Variants in DPP6 observed in about 807,000 individuals in gnomAD.
DPP6 encodes the protein A-type potassium channel modulatory protein DPP6.
A neutral mutation model predicts 122.6 loss-of-function variants in DPP6; 69 were observed. That is an observed-to-expected ratio of 0.56 (90% CI 0.46 to 0.69). DPP6 has a LOEUF of 0.69. DPP6 is among the 30% of genes least tolerant of loss of function. DPP6 has a pLI of 0.00. For missense variants in DPP6, 928 were observed against 1,116.9 expected (o/e 0.83, Z 2.41); for synonymous variants, 418 against 433.1 (o/e 0.97, Z 0.43).
In DPP6 at chr7:154,465,651, A is replaced by T. The variant is rs145040195; in HGVS notation, c.359-9288A>T. Among the ~76,000 whole-genome samples, 378 of 152,364 alleles carry T rather than the reference A, an allele frequency of 2.5e-3. 2 individuals are homozygous for T. Among genetic ancestry groups the T allele is most frequent in the African/African-American group, 7.4e-3 (307 of 41,576 alleles). On this transcript the variant is annotated intron_variant, in intron 2 of 25. Coordinates refer to ENST00000377770, the MANE Select transcript of DPP6 (RefSeq NM_130797.4). Reference sequence around the variant, plus strand: ...TTAAAGAAATGCAAATCAAAACCACAATGAGATACTATCTCACTGCAGTTA... The same window carrying T: ...TTAAAGAAATGCAAATCAAAACCACTATGAGATACTATCTCACTGCAGTTA...
chr7:153,947,695 C>G (rs1322625656), intron 1 of DPP6, among the ~76,000 whole-genome samples: 2 of 152,064 alleles, frequency 1.3e-5, no homozygotes, highest in Non-Finnish European at 2.9e-5. Context: ...CGTGACAGGA[C>G]AAAGGGAGTG....
In DPP6 at chr7:154,888,313, C is replaced by A. The variant is rs77183934; in HGVS notation, c.2304+579C>A. Among the ~76,000 whole-genome samples, 4 of 152,088 alleles carry A rather than the reference C, an allele frequency of 2.6e-5. No individual in the cohort carries two copies. In the East Asian group the frequency reaches 7.8e-4, roughly 30 times the overall value. Reference sequence around the variant, plus strand: ...CGTGTTGGTCAGGCTGGTCTCCAACCCCTGACCTCAGGTGATCCACCTGCC... The same window carrying A: ...CGTGTTGGTCAGGCTGGTCTCCAACACCTGACCTCAGGTGATCCACCTGCC... On this transcript the variant is annotated intron_variant, in intron 23 of 25. Coordinates refer to ENST00000377770, the MANE Select transcript of DPP6 (RefSeq NM_130797.4).
chr7:154,215,875 A>C (rs745855987), intron 1 of DPP6, among the ~76,000 whole-genome samples: 3 of 152,162 alleles, frequency 2.0e-5, no homozygotes, highest in Non-Finnish European at 2.9e-5. Context: ...GGTACTTTTG[A>C]GGAATTTTCT....
At chr7:154,177,514 C>G (rs905951166) in intron 1 of DPP6, among the ~76,000 whole-genome samples, 2 of 152,192 alleles carry the variant, frequency 1.3e-5, no homozygotes, top group South Asian at 4.1e-4. Flanking sequence ...CTGTTGGTCA[C>G]CAAACTGCTG....
intron 1 of DPP6, among the ~76,000 whole-genome samples, chr7:154,031,044 C>T (rs1029560153): frequency 1.3e-5 from 2 of 151,992 alleles, no homozygotes; most frequent in East Asian, 1.9e-4. Context: ...CCCAAGCTCT[C>T]CCTGGTTGTC....
intron 7 of DPP6, among the ~76,000 whole-genome samples, chr7:154,718,080 C>A (rs868461755): frequency 3.3e-5 from 5 of 152,142 alleles, no homozygotes; most frequent in African/African-American, 4.8e-5. Context: ...AGTTCTTTTG[C>A]CCATTTTTTA....
the DPP6 span, among the ~76,000 whole-genome samples, chr7:153,804,196 T>G: frequency 1.3e-5 from 2 of 151,928 alleles, no homozygotes; most frequent in Non-Finnish European, 2.9e-5. Context: ...ATTACAGGTG[T>G]GCACCACCAC....
intron 1 of DPP6, among the ~76,000 whole-genome samples, chr7:154,232,024 C>T (rs902719819): frequency 1.3e-5 from 2 of 152,134 alleles, no homozygotes; most frequent in Non-Finnish European, 2.9e-5. Flanking sequence ...CAAACAGCCT[C>T]GTGTTTCATG....
intron 1 of DPP6, among the ~76,000 whole-genome samples, chr7:154,290,597 G>C (rs995018743): frequency 6.7e-6 from 1 of 149,810 alleles, no homozygotes; most frequent in Non-Finnish European, 1.5e-5. Flanking sequence ...AGCCGAGATT[G>C]CACCATTGAA....
chr7:154,163,519 T>A (rs550501721), intron 1 of DPP6, among the ~76,000 whole-genome samples: 1 of 152,352 alleles, frequency 6.6e-6, no homozygotes, highest in Non-Finnish European at 1.5e-5. Context: ...GAAAAATATT[T>A]TTAGCCCTCA....
chr7:154,221,379 G>C (rs539975121), intron 1 of DPP6, among the ~76,000 whole-genome samples: 65 of 152,078 alleles, frequency 4.3e-4, no homozygotes, highest in Non-Finnish European at 8.8e-4. Context: ...GACCTCAAAT[G>C]ATCCACCCAC....
intron 6 of DPP6, among the ~76,000 whole-genome samples, chr7:154,652,643 C>T (rs1300456325): frequency 1.3e-5 from 2 of 152,070 alleles, no homozygotes; most frequent in African/African-American, 2.4e-5. Flanking sequence ...ACATGTGCAC[C>T]ATGTCCCTGC....
intron 8 of DPP6, among the ~76,000 whole-genome samples, chr7:154,737,946 C>T (rs1164630239): frequency 6.6e-6 from 1 of 152,170 alleles, no homozygotes; most frequent in East Asian, 1.9e-4. Context: ...GCACCTTTCT[C>T]AAAGAATTAT....
intron 5 of DPP6, among the ~76,000 whole-genome samples, chr7:154,616,135 C>T (rs146538531): frequency 4.3e-4 from 65 of 152,230 alleles, no homozygotes; most frequent in African/African-American, 1.2e-3. Flanking sequence ...TCTAATTTGG[C>T]GTTATCAGAG....
At chr7:153,752,603 G>C in the DPP6 span, among the ~76,000 whole-genome samples, 6 of 149,242 alleles carry the variant, frequency 4.0e-5, no homozygotes, top group African/African-American at 1.5e-4. Context: ...CTCAGGAGCA[G>C]GTCCCAGAGG....
chr7:153,808,588 C>T, the DPP6 span, among the ~76,000 whole-genome samples: 1 of 152,052 alleles, frequency 6.6e-6, no homozygotes, highest in Non-Finnish European at 1.5e-5. Flanking sequence ...GATCACCCGT[C>T]CTCAACTACT....
chr7:154,276,554 A>C (rs1018748096), intron 1 of DPP6, among the ~76,000 whole-genome samples: 3 of 152,262 alleles, frequency 2.0e-5, no homozygotes, highest in Non-Finnish European at 4.4e-5. Context: ...ATGGGAAATT[A>C]AGAGTGTTAT....
At chr7:154,885,319 G>C (rs1285465263) in intron 21 of DPP6, 1 of 269,774 alleles carries the variant, frequency 3.7e-6, no homozygotes, top group African/African-American at 2.2e-5. Flanking sequence ...GAGACGCTGA[G>C]CCTGAAGGAC....
chr7:154,090,126 CAAA>C (rs1804699998), intron 1 of DPP6, among the ~76,000 whole-genome samples: 2 of 152,234 alleles, frequency 1.3e-5, no homozygotes, highest in South Asian at 4.2e-4. Context: ...TGGAACTTGG[CAAA>C]AGCGGGTGCT....
Sources: allele counts gnomAD v4.1 joint callset (sites outside exome capture counted in the v4.1 genomes callset), GRCh38; gene constraint gnomAD v4.1.1; transcripts MANE v1.5; gene names NCBI Gene and HGNC (gene_info 2026-07-23, HGNC 2026-07-21).